The following TNC variants were observed in gnomAD, a reference collection of about 807,000 sequenced individuals.
The protein encoded by TNC is tenascin.
TNC carries 109 observed loss-of-function variants against 202.4 expected under a neutral mutation model. The ratio of observed to expected loss-of-function variants is 0.54; its 90% CI spans 0.46 to 0.63. The LOEUF is 0.63. TNC is among the 30% of genes least tolerant of loss of function. The probability of loss-of-function intolerance (pLI) is 0.00; values close to 1 mark genes in which losing one functional copy is unlikely to be tolerated. For synonymous variants in TNC, 1,007 were observed against 1,089.7 expected, an observed-to-expected ratio of 0.92 and a Z score of 1.50; for missense variants, 2,756 against 2,833.3, an observed-to-expected ratio of 0.97 and a Z score of 0.62.
chr9:115,035,445 C>T (rs1186310087), intron 21 of TNC, 111 bp from the exon 22 acceptor site: 46 of 1,200,102 alleles, frequency 3.8e-5, no homozygotes, highest in South Asian at 1.3e-4. Context: ...CACTGAACTA[C>T]GTGACCTTTG....
At chr9:115,103,135 G>C (rs1431969883) in intron 1 of TNC, among the ~76,000 whole-genome samples, 1 of 152,192 alleles carries the variant, frequency 6.6e-6, no homozygotes, top group Non-Finnish European at 1.5e-5. Context: ...AAGTGACAAA[G>C]ACAGACCTAG....
At chr9:115,062,827 G>T in intron 13 of TNC, 90 bp downstream of exon 13, 2 of 1,431,562 alleles carry the variant, frequency 1.4e-6, no homozygotes, top group South Asian at 1.4e-5. Context: ...ACAACATTGG[G>T]GTAGGATTCT....
rs150589009 is a variant in TNC, at chr9:115,087,107, G to A, written c.624C>T (p.Asp208=). The change falls in exon 3 of 28, where the codon GAC becomes GAT. Residue 208 remains aspartate, a synonymous_variant. Coordinates refer to ENST00000350763, the MANE Select transcript of TNC (RefSeq NM_002160.4). ...GRCIDGQCIC[D]DGFTGEDCSQ... is the part of the protein sequence containing the mutation. ...TGCAGTCCTCGCCCGTGAAGCCGTC[G>A]TCACAGATGCACTGCCCATCAATGC... The A allele has an allele frequency of 5.8e-5, 93 of 1,614,090 alleles. No individual in the cohort carries two copies. Among genetic ancestry groups the A allele is most frequent in the East Asian group, 2.2e-4 (10 of 44,894 alleles).
At chr9:115,100,575 C>T (rs916666705) in intron 1 of TNC, among the ~76,000 whole-genome samples, 1 of 152,172 alleles carries the variant, frequency 6.6e-6, no homozygotes, top group Non-Finnish European at 1.5e-5. Flanking sequence ...AGAGATTTTG[C>T]CTTTGGGTCA....
chr9:115,031,597 TTGAG>T lies in TNC; in HGVS notation c.5872_5875del (p.Leu1958MetfsTer4). 6.2e-7 allele frequency: 1 copy of T among 1,610,204 alleles called. No individual in the cohort carries two copies. Among genetic ancestry groups the T allele is most frequent in the Non-Finnish European group, 8.5e-7 (1 of 1,178,200 alleles). Reference sequence around the variant, plus strand: ...GATCATATTGCTCCTCAGGGGCCCATTGAGTGCCTGGATCTTGGCTGTGTAGTGG... The same window carrying T: ...GATCATATTGCTCCTCAGGGGCCCATTGCCTGGATCTTGGCTGTGTAGTGG... On this transcript the variant is annotated frameshift_variant, in exon 23 of 28. Transcript: ENST00000350763. LOFTEE classifies it high-confidence loss of function.
At chr9:115,067,641 AG>A (rs1291368126) in intron 10 of TNC, among the ~76,000 whole-genome samples, 1 of 152,142 alleles carries the variant, frequency 6.6e-6, no homozygotes, top group East Asian at 1.9e-4. Flanking sequence ...CTTCCTAATG[AG>A]AATCATCTTA....
intron 1 of TNC, among the ~76,000 whole-genome samples, chr9:115,117,431 T>A (rs1837550196): frequency 6.6e-6 from 1 of 152,236 alleles, no homozygotes; most frequent in Non-Finnish European, 1.5e-5. Flanking sequence ...CCACCTCCTC[T>A]CTTCTGTCCC....
chr9:115,046,233 C>CT (rs1831183943), intron 17 of TNC, among the ~76,000 whole-genome samples, 177 bp downstream of exon 17: 1 of 152,136 alleles, frequency 6.6e-6, no homozygotes, highest in Admixed American at 6.5e-5. Flanking sequence ...TGGCATCATA[C>CT]TTTTTTTGCA....
Position 115,020,395 on chromosome 9 carries a change from C to T in TNC, c.*762G>A, listed in dbSNP as rs1039400415. ...TTTAAAAAAAGTGCTTCCCTCTCTC[C>T]CAGTCTTTAGTCTCCTTTCCACCCC... On this transcript the variant is annotated 3_prime_UTR_variant, in exon 28 of 28. Transcript: ENST00000350763. 1 of 163,194 alleles carries T rather than the reference C, an allele frequency of 6.1e-6. No individual in the cohort carries two copies. The highest frequency in any genetic ancestry group is 1.3e-5 in the Non-Finnish European group (1 of 75,606). 10.1% of individuals were successfully genotyped at this position (163,194 alleles called of 1,614,324 possible).
intron 1 of TNC, among the ~76,000 whole-genome samples, chr9:115,109,169 CTT>C (rs1836850719): frequency 6.6e-6 from 1 of 152,200 alleles, no homozygotes; most frequent in South Asian, 2.1e-4. Flanking sequence ...ACATGACACA[CTT>C]TTGGGAACTG....
chr9:115,102,068 T>C lies in TNC; in HGVS notation c.-136-10914A>G, dbSNP rs150508537. ...AAATTCACATACAATTATGAGATAG[T>C]ATTTGTACCCTCATTTTGCAGCTGA... On this transcript the variant is annotated intron_variant, in intron 1 of 27. Coordinates refer to ENST00000350763, the MANE Select transcript of TNC (RefSeq NM_002160.4). Among the ~76,000 whole-genome samples, 112 of 152,304 alleles carry C rather than the reference T, an allele frequency of 7.4e-4. 3 individuals carry two copies. In the East Asian group the frequency reaches 0.021, roughly 28 times the overall value.
intron 1 of TNC, among the ~76,000 whole-genome samples, chr9:115,099,700 C>A (rs1004979904): frequency 1.3e-5 from 2 of 152,142 alleles, no homozygotes; most frequent in African/African-American, 2.4e-5. Flanking sequence ...GTAACAAATA[C>A]TTAAAAGGAT....
chr9:115,111,399 C>CTCTCTTTTTTTT (rs1174066886), intron 1 of TNC, among the ~76,000 whole-genome samples: 1 of 71,342 alleles, frequency 1.4e-5, no homozygotes, highest in African/African-American at 6.0e-5. Context: ...CTCTCTCTCT[C>CTCTCTTTTTTTT]TTTTTTTTTT....
intron 1 of TNC, among the ~76,000 whole-genome samples, chr9:115,107,021 A>T (rs746514927): frequency 3.9e-5 from 6 of 152,146 alleles, no homozygotes; most frequent in Non-Finnish European, 7.4e-5. Context: ...ATTATTCTGA[A>T]CTTCTTTTAG....
chr9:115,038,981 C>T (rs886722367), intron 19 of TNC, among the ~76,000 whole-genome samples: 3 of 152,182 alleles, frequency 2.0e-5, no homozygotes, highest in Non-Finnish European at 2.9e-5. Flanking sequence ...GTGTGCACCA[C>T]CAAGCCCAGC....
Position 115,087,120 on chromosome 9 carries a change from T to A in TNC, c.611A>T (p.Gln204Leu), listed in dbSNP as rs1391344593. The A allele has an allele frequency of 2.5e-6, 4 of 1,614,240 alleles. No homozygotes were observed. In the Admixed American group the frequency reaches 6.7e-5, roughly 27 times the overall value. The change falls in exon 3 of 28, where the codon CAG becomes CTG. Residue 204 changes from glutamine to leucine, a missense_variant. Coordinates refer to ENST00000350763, the MANE Select transcript of TNC (RefSeq NM_002160.4). ...CHLRGRCIDG[Q>L]CICDDGFTGE... ...CGTGAAGCCGTCGTCACAGATGCAC[T>A]GCCCATCAATGCACCGGCCTCGAAG...
At chr9:115,103,728 C>G (rs887038289) in intron 1 of TNC, among the ~76,000 whole-genome samples, 1 of 152,166 alleles carries the variant, frequency 6.6e-6, no homozygotes, top group Non-Finnish European at 1.5e-5. Flanking sequence ...ACTTTAGACC[C>G]AAGTCAACTG....
intron 9 of TNC, 112 bp downstream of exon 9, chr9:115,075,920 C>A (rs908612472): frequency 1.4e-5 from 13 of 928,798 alleles, no homozygotes; most frequent in Middle Eastern, 3.0e-4. Flanking sequence ...CTACAGGGCC[C>A]TTTTTCCTCC....
intron 10 of TNC, among the ~76,000 whole-genome samples, chr9:115,067,017 C>A (rs1359552517): frequency 6.6e-6 from 1 of 152,200 alleles, no homozygotes; most frequent in African/African-American, 2.4e-5. Context: ...ACACCAGAGG[C>A]TCCAAAGCAG....
Sources: allele counts gnomAD v4.1 joint callset (sites outside exome capture counted in the v4.1 genomes callset), GRCh38; gene constraint gnomAD v4.1.1; transcripts MANE v1.5; gene names NCBI Gene and HGNC (gene_info 2026-07-23, HGNC 2026-07-21).